Variants in C8orf34 observed in about 807,000 individuals in gnomAD.
The protein encoded by C8orf34 is chromosome 8 open reading frame 34.
Under a neutral mutation model 68.3 loss-of-function variants are expected in C8orf34, and 65 were observed. That is an observed-to-expected ratio of 0.95 (90% CI 0.78 to 1.17). C8orf34 has a LOEUF of 1.17. Among genes scored for constraint, C8orf34 ranks in the 50% most tolerant of loss-of-function variants. The probability of loss-of-function intolerance (pLI) is 0.00; values close to 1 mark genes in which losing one functional copy is unlikely to be tolerated. For synonymous variants in C8orf34, 244 were observed against 241.2 expected, an observed-to-expected ratio of 1.01 and a Z score of -0.11; for missense variants, 664 against 655.4, an observed-to-expected ratio of 1.01 and a Z score of -0.14.
At chr8:68,766,344 T>G (rs1823174778) in intron 10 of C8orf34, among the ~76,000 whole-genome samples, 1 of 152,222 alleles carries the variant, frequency 6.6e-6, no homozygotes, top group South Asian at 2.1e-4. Context: ...ACATGTTTGG[T>G]TTAAATTATG....
At chr8:68,650,242 G>C (rs1489066051) in intron 8 of C8orf34, among the ~76,000 whole-genome samples, 2 of 151,948 alleles carry the variant, frequency 1.3e-5, no homozygotes, top group Non-Finnish European at 2.9e-5. Flanking sequence ...TTAGGATGCC[G>C]ACACACCAGA....
intron 12 of C8orf34, among the ~76,000 whole-genome samples, chr8:68,796,651 A>ATGCTTAT (rs1309725379): frequency 6.6e-6 from 1 of 152,200 alleles, no homozygotes; most frequent in Admixed American, 6.5e-5. Flanking sequence ...ATCAAATATA[A>ATGCTTAT]TAAGCATCCT....
intron 4 of C8orf34, among the ~76,000 whole-genome samples, chr8:68,480,156 G>A (rs1812797259): frequency 6.6e-6 from 1 of 152,144 alleles, no homozygotes; most frequent in South Asian, 2.1e-4. Context: ...GAGGGACCCA[G>A]GGGGAGGTAA....
At chr8:68,791,627 G>T (rs1823996627) in intron 12 of C8orf34, 1 of 152,094 alleles carries the variant, frequency 6.6e-6, no homozygotes, top group African/African-American at 2.4e-5. Flanking sequence ...CAACACAAAT[G>T]TCCCAAATAA....
At chr8:68,680,735 C>T (rs755912347) in intron 8 of C8orf34, among the ~76,000 whole-genome samples, 3 of 152,144 alleles carry the variant, frequency 2.0e-5, no homozygotes, top group Non-Finnish European at 4.4e-5. Flanking sequence ...CTATGTTCAG[C>T]AGTGCACCTA....
intron 12 of C8orf34, among the ~76,000 whole-genome samples, chr8:68,796,521 A>C (rs1824181112): frequency 6.6e-6 from 1 of 152,180 alleles, no homozygotes; most frequent in Non-Finnish European, 1.5e-5. Flanking sequence ...TGGAAAAATA[A>C]GTTTTGGTAA....
intron 7 of C8orf34, among the ~76,000 whole-genome samples, chr8:68,545,373 C>G (rs1815841007): frequency 6.6e-6 from 1 of 151,998 alleles, no homozygotes; most frequent in African/African-American, 2.4e-5. Context: ...TTCTTTTTTT[C>G]TTTTTATAAA....
At chr8:68,679,730 A>C (rs1820308980) in intron 8 of C8orf34, among the ~76,000 whole-genome samples, 1 of 152,230 alleles carries the variant, frequency 6.6e-6, no homozygotes, top group African/African-American at 2.4e-5. Context: ...ATAAAAACAG[A>C]CACATAGACC....
chr8:68,437,091 G>C (rs1048494424), intron 1 of C8orf34, among the ~76,000 whole-genome samples: 1 of 152,038 alleles, frequency 6.6e-6, no homozygotes, highest in Non-Finnish European at 1.5e-5. Flanking sequence ...TGATCATTTC[G>C]CTCACGATTG....
chr8:68,714,532 C>T (rs1423224256), intron 9 of C8orf34, among the ~76,000 whole-genome samples: 5 of 150,102 alleles, frequency 3.3e-5, no homozygotes, highest in African/African-American at 1.0e-4. Context: ...TTCATAATAG[C>T]TGTAAAAAAA....
In C8orf34 at chr8:68,818,783, C is replaced by T. The variant is rs941014452; in HGVS notation, c.*537C>T. ...TATATTCTCTACCACTGCTCTTTCT[C>T]ATGATTATTTTCTCTATTCCTATTA... On this transcript the variant is annotated 3_prime_UTR_variant, in exon 14 of 14. Coordinates refer to ENST00000518698, the MANE Select transcript of C8orf34 (RefSeq NM_052958.4). 4 of 152,038 alleles carry T rather than the reference C, an allele frequency of 2.6e-5. No homozygotes were observed. The highest frequency in any genetic ancestry group is 4.8e-5 in the African/African-American group (2 of 41,384). The allele number at this position is 152,038 out of a possible 1,614,324, so 9.4% of individuals were successfully genotyped here. A position where few individuals can be genotyped will look rare whatever the true frequency, so the allele number is the denominator to read the frequency against.
intron 7 of C8orf34, among the ~76,000 whole-genome samples, chr8:68,568,424 A>G (rs1816661694): frequency 6.6e-6 from 1 of 152,146 alleles, no homozygotes; most frequent in African/African-American, 2.4e-5. Flanking sequence ...ACACTTCAGT[A>G]TTTTTGAACG....
intron 7 of C8orf34, among the ~76,000 whole-genome samples, chr8:68,536,263 C>T (rs183346767): frequency 2.9e-3 from 440 of 150,230 alleles, no homozygotes; most frequent in African/African-American, 9.7e-3. Context: ...CACCTATAGT[C>T]CCAGCTACTG....
At chr8:68,617,904 C>T (rs901325240) in intron 7 of C8orf34, among the ~76,000 whole-genome samples, 8 of 152,258 alleles carry the variant, frequency 5.3e-5, no homozygotes, top group Non-Finnish European at 7.4e-5. Flanking sequence ...CCATTCTCCC[C>T]GTCACTTTCA....
At chr8:68,679,794 G>C (rs75254466) in intron 8 of C8orf34, among the ~76,000 whole-genome samples, 1 of 152,060 alleles carries the variant, frequency 6.6e-6, no homozygotes, top group African/African-American at 2.4e-5. Context: ...AAGTGAACTC[G>C]TTTTCAACAA....
chr8:68,589,249 A>C (rs1374460880), intron 7 of C8orf34, among the ~76,000 whole-genome samples: 1 of 152,176 alleles, frequency 6.6e-6, no homozygotes, highest in Non-Finnish European at 1.5e-5. Flanking sequence ...CCGTGTGTTC[A>C]TTCAGCTATT....
In C8orf34 at chr8:68,525,956, C is replaced by CTTTTTTTTTT. The variant is rs10692707; in HGVS notation, c.938+3996_938+4005dup. 5.1e-4 allele frequency: 92 copies of CTTTTTTTTTT among 178,722 alleles called. 1 individual carries two copies. Among genetic ancestry groups the CTTTTTTTTTT allele is most frequent in the Middle Eastern group, 2.3e-3 (1 of 438 alleles). 11.1% of individuals were successfully genotyped at this position (178,722 alleles called of 1,614,324 possible). ...CTGAAAGAGACAAATTTCTTTCTTTCTTTTTTTTTTTTTTTTTTTTGAGAC... is the reference window on the plus strand; with the variant it reads ...CTGAAAGAGACAAATTTCTTTCTTTCTTTTTTTTTTTTTTTTTTTTTTTTTTTTTTGAGAC... On this transcript the variant is annotated intron_variant, in intron 6 of 13. Transcript: ENST00000518698.
intron 7 of C8orf34, among the ~76,000 whole-genome samples, chr8:68,633,754 T>C (rs1266123790): frequency 6.7e-6 from 1 of 148,832 alleles, no homozygotes. Context: ...AGTCCCAAAA[T>C]AGGAAGGAAG....
chr8:68,608,192 C>T (rs1817912083), intron 7 of C8orf34, among the ~76,000 whole-genome samples: 1 of 151,852 alleles, frequency 6.6e-6, no homozygotes, highest in Non-Finnish European at 1.5e-5. Context: ...AAAGATGTGT[C>T]AAGCAAAAAT....
Sources: allele counts gnomAD v4.1 joint callset (sites outside exome capture counted in the v4.1 genomes callset), GRCh38; gene constraint gnomAD v4.1.1; transcripts MANE v1.5; gene names NCBI Gene and HGNC (gene_info 2026-07-23, HGNC 2026-07-21).